The following PCDHGA3 variants were observed in gnomAD, a reference collection of about 807,000 sequenced individuals.
PCDHGA3 encodes the protein protocadherin gamma subfamily A, 3, also known as protocadherin gamma-A3.
In PCDHGA3, 40 loss-of-function variants were observed where a neutral mutation model predicts 58.5. The observed-to-expected ratio is 0.68, with a 90% CI of 0.53 to 0.89. The LOEUF is 0.89. Ranked by LOEUF, PCDHGA3 falls within the 40% of genes least tolerant of loss-of-function variation. The pLI, the probability that PCDHGA3 is intolerant of heterozygous loss-of-function variation, is 0.00. For missense variants in PCDHGA3, 1,223 were observed against 1,195.9 expected (o/e 1.02, Z -0.33); for synonymous variants, 530 against 525.7 (o/e 1.01, Z -0.11).
At chr5:141,478,629 T>A in intron 1 of PCDHGA3, 1 of 1,553,688 alleles carries the variant, frequency 6.4e-7, no homozygotes, top group Non-Finnish European at 8.7e-7. Context: ...AGCTGTTTTT[T>A]TAGTGATGAA....
chr5:141,510,833 C>G, intron 3 of PCDHGA3, 114 bp from the exon 4 acceptor site: 2 of 1,577,796 alleles, frequency 1.3e-6, no homozygotes, highest in Admixed American at 1.7e-5. Context: ...CAGTGCTCAG[C>G]GTGGTCAAGG....
At chr5:141,371,051 G>T in intron 1 of PCDHGA3, 1 of 1,613,960 alleles carries the variant, frequency 6.2e-7, no homozygotes, top group Non-Finnish European at 8.5e-7. Flanking sequence ...ATGGGGGCGA[G>T]CCCTCCAGAA....
Position 141,343,972 on chromosome 5 carries a change from G to A in PCDHGA3, c.-62G>A. The A allele has an allele frequency of 7.2e-7, 1 of 1,390,454 alleles. No homozygotes were observed. Among genetic ancestry groups the A allele is most frequent in the Non-Finnish European group, 9.7e-7 (1 of 1,031,826 alleles). 86.1% of individuals were successfully genotyped at this position (1,390,454 alleles called of 1,614,324 possible). ...AAGACTTCGTTTCTTGAGAAAATAA[G>A]ATTGGAGTCCGTCGTAGGAAACTGG... On this transcript the variant is annotated 5_prime_UTR_variant, in exon 1 of 4. Transcript: ENST00000253812.
chr5:141,399,753 G>T (rs1418820057), intron 1 of PCDHGA3: 8 of 1,613,370 alleles, frequency 5.0e-6, no homozygotes, highest in Non-Finnish European at 6.8e-6. Context: ...GCGCAAACGT[G>T]AGCCTGCGCG....
At chr5:141,389,433 G>C in intron 1 of PCDHGA3, 1 of 1,610,628 alleles carries the variant, frequency 6.2e-7, no homozygotes, top group Non-Finnish European at 8.5e-7. Context: ...CGCGCAGCGC[G>C]CCTTCGACCA....
chr5:141,355,044 C>A, intron 1 of PCDHGA3: 1 of 1,132,086 alleles, frequency 8.8e-7, no homozygotes, highest in Non-Finnish European at 1.2e-6. Flanking sequence ...TTCTGCAGCA[C>A]AAAGCACTGG....
At position 141,357,036 on chromosome 5, in the gene PCDHGA3, C is replaced by T. The variant is rs765676515; in HGVS notation, c.2424+10579C>T. 10 of 1,614,042 alleles carry T rather than the reference C, an allele frequency of 6.2e-6. No homozygotes were observed. The Middle Eastern group carries it at 5.0e-4, about 80-fold the overall frequency. On this transcript the variant is annotated intron_variant, in intron 1 of 3. Coordinates refer to ENST00000253812, the MANE Select transcript of PCDHGA3 (RefSeq NM_018916.4). The stretch of plus-strand genomic sequence containing the variant: ...TGTCCTACAGCCTACTCAAGTCCAG[C>T]GAGCCGGGACTATTTGCAGTGGGGC...
chr5:141,428,117 G>A lies in PCDHGA3; in HGVS notation c.2425-66690G>A, dbSNP rs980705077. 5 of 1,606,984 alleles carry A rather than the reference G, an allele frequency of 3.1e-6. No individual in the cohort carries two copies. The African/African-American group carries it at 6.7e-5, about 21-fold the overall frequency. Reference sequence around the variant, plus strand: ...CCTACCACGTGCTGCAGGCCATCGAGCCCGGGCTTTTCAGCCTGGGGCTGC... The same window carrying A: ...CCTACCACGTGCTGCAGGCCATCGAACCCGGGCTTTTCAGCCTGGGGCTGC... On this transcript the variant is annotated intron_variant, in intron 1 of 3. Coordinates refer to ENST00000253812, the MANE Select transcript of PCDHGA3 (RefSeq NM_018916.4).
At chr5:141,425,447 A>G (rs549575207) in intron 1 of PCDHGA3, among the ~76,000 whole-genome samples, 5 of 152,318 alleles carry the variant, frequency 3.3e-5, no homozygotes, top group African/African-American at 1.2e-4. Flanking sequence ...AAAATAAAAC[A>G]CCATCACATT....
rs775752238 is a variant in PCDHGA3 at position 141,361,764 on chromosome 5, C to T, written c.2424+15307C>T. On this transcript the variant is annotated intron_variant, in intron 1 of 3. Coordinates refer to ENST00000253812, the MANE Select transcript of PCDHGA3 (RefSeq NM_018916.4). ...GCGACCAGGGCTCGCCCGCGCTCAG[C>T]GCCAACGTGAGCCTGCGCGTGTTAG... 9 of 1,613,132 alleles carry T rather than the reference C, an allele frequency of 5.6e-6. No individual in the cohort carries two copies. The Admixed American group carries it at 1.5e-4, about 27-fold the overall frequency.
At chr5:141,437,013 A>G (rs570721163) in intron 1 of PCDHGA3, among the ~76,000 whole-genome samples, 146 of 152,354 alleles carry the variant, frequency 9.6e-4, no homozygotes, top group Non-Finnish European at 1.2e-3. Flanking sequence ...ATCTTAGATA[A>G]TTTCACCAGA....
chr5:141,450,829 A>ATTTTTT (rs373424450), intron 1 of PCDHGA3, among the ~76,000 whole-genome samples: 1 of 135,126 alleles, frequency 7.4e-6, no homozygotes. Context: ...TATTATTATT[A>ATTTTTT]TTTTTTTTTT....
intron 1 of PCDHGA3, chr5:141,385,518 A>T (rs1194402340): frequency 9.5e-6 from 13 of 1,366,176 alleles, no homozygotes; most frequent in Non-Finnish European, 1.2e-5. Flanking sequence ...GTGAAAGCCT[A>T]TGGACAAGAT....
rs1207518184 is a variant in PCDHGA3 at position 141,352,338 on chromosome 5, C to T, written c.2424+5881C>T. 12 of 1,614,058 alleles carry T rather than the reference C, an allele frequency of 7.4e-6. No homozygotes were observed. In the Admixed American group the frequency reaches 8.3e-5, roughly 11 times the overall value. ...CAGTTTTACCTGGTTGTGGCCTTGGCCTTGATCTCAGTGCTCTTTCTCCTC... is the reference window on the plus strand; with the variant it reads ...CAGTTTTACCTGGTTGTGGCCTTGGTCTTGATCTCAGTGCTCTTTCTCCTC... On this transcript the variant is annotated intron_variant, in intron 1 of 3. Coordinates refer to ENST00000253812, the MANE Select transcript of PCDHGA3 (RefSeq NM_018916.4).
chr5:141,349,429 A>G (rs1156795847), intron 1 of PCDHGA3, among the ~76,000 whole-genome samples: 1 of 152,182 alleles, frequency 6.6e-6, no homozygotes, highest in Admixed American at 6.5e-5. Flanking sequence ...TGTACATTAT[A>G]TGAGATTCCA....
intron 1 of PCDHGA3, chr5:141,398,594 T>C: frequency 6.2e-7 from 1 of 1,614,028 alleles, no homozygotes; most frequent in African/African-American, 1.3e-5. Flanking sequence ...ATACTAGAAG[T>C]AGCAGAAGAT....
intron 1 of PCDHGA3, chr5:141,403,365 T>A: frequency 6.2e-7 from 1 of 1,614,024 alleles, no homozygotes; most frequent in Non-Finnish European, 8.5e-7. Context: ...GCCGAAAGTC[T>A]GGAAGTAAAA....
rs529787438 is a variant in PCDHGA3 at position 141,470,330 on chromosome 5, G to A, written c.2425-24477G>A. Among the ~76,000 whole-genome samples the A allele has an allele frequency of 3.3e-4, 50 of 152,144 alleles. 1 individual carries two copies. The highest frequency in any genetic ancestry group is 1.1e-3 in the African/African-American group (47 of 41,498). ...TTTTCCTCAAATGATCCCATAATTT[G>A]ACCTTAGGAAGCTGTTCAAATAGAC... On this transcript the variant is annotated intron_variant, in intron 1 of 3. Coordinates refer to ENST00000253812, the MANE Select transcript of PCDHGA3 (RefSeq NM_018916.4).
rs949391796 is a variant in PCDHGA3 at position 141,493,050 on chromosome 5, A to G, written c.2425-1757A>G. 6.6e-6 allele frequency among the ~76,000 whole-genome samples: 1 copy of G among 152,262 alleles called. No homozygotes were observed. The highest frequency in any genetic ancestry group is 2.4e-5 in the African/African-American group (1 of 41,464). On this transcript the variant is annotated intron_variant, in intron 1 of 3. Coordinates refer to ENST00000253812, the MANE Select transcript of PCDHGA3 (RefSeq NM_018916.4). The surrounding 1 kb of genome is among the most constrained non-coding windows in gnomAD (Gnocchi z 4.3). Reference sequence around the variant, plus strand: ...CCCTTATGTGTGAGGAAACTACAATAGTAAAAAACACAAGTTTCTCCAACT... The same window carrying G: ...CCCTTATGTGTGAGGAAACTACAATGGTAAAAAACACAAGTTTCTCCAACT...
Sources: gnomAD v4.1 joint callset for allele counts (sites outside exome capture counted in the v4.1 genomes callset) on GRCh38, gnomAD v4.1.1 for gene constraint, Gnocchi (gnomAD v3.1) non-coding constraint, MANE v1.5 for transcripts, NCBI Gene and HGNC (gene_info 2026-07-23, HGNC 2026-07-21) for gene names.